The following ECT2 variants were observed in gnomAD, a reference collection of about 807,000 sequenced individuals.
ECT2 encodes the protein epithelial cell transforming 2.
Under a neutral mutation model 116.9 loss-of-function variants are expected in ECT2, and 61 were observed. That is an observed-to-expected ratio of 0.52 (90% CI 0.42 to 0.65). ECT2 has a LOEUF of 0.65. Among genes scored for constraint, ECT2 ranks in the 30% least tolerant of loss-of-function variants. The pLI is 0.00. For synonymous variants in ECT2, 358 were observed against 346.4 expected (o/e 1.03, Z -0.37); for missense variants, 937 against 1,078.7 (o/e 0.87, Z 1.84).
chr3:172,803,806 GT>G (rs773181352), intron 20 of ECT2, among the ~76,000 whole-genome samples: 1 of 144,440 alleles, frequency 6.9e-6, no homozygotes, highest in African/African-American at 2.5e-5. Flanking sequence ...GTTTCTTTTC[GT>G]TTTTCTTTTT....
chr3:172,770,386 T>TA (rs1490892524), intron 13 of ECT2, among the ~76,000 whole-genome samples: 1 of 152,208 alleles, frequency 6.6e-6, no homozygotes, highest in South Asian at 2.1e-4. Flanking sequence ...AAACTCCTTT[T>TA]AAAAAATCTC....
chr3:172,811,425 A>G (rs910663690), intron 22 of ECT2, among the ~76,000 whole-genome samples: 14 of 152,206 alleles, frequency 9.2e-5, no homozygotes, highest in African/African-American at 3.4e-4. Context: ...GTGAACTAGC[A>G]ATATGTTCAC....
intron 18 of ECT2, among the ~76,000 whole-genome samples, chr3:172,801,573 GGA>G (rs1726730075): frequency 6.6e-6 from 1 of 152,212 alleles, no homozygotes; most frequent in Admixed American, 6.5e-5. Flanking sequence ...TCTGAAAACA[GGA>G]GTTCTCTCTG....
At chr3:172,771,631 TA>T (rs1181807963) in intron 13 of ECT2, among the ~76,000 whole-genome samples, 7 of 152,326 alleles carry the variant, frequency 4.6e-5, no homozygotes, top group African/African-American at 1.7e-4. Flanking sequence ...ATAATTTTTT[TA>T]TGAGACGAGA....
rs565683433 is a variant in ECT2 at position 172,757,593 on chromosome 3, T to A, written c.486+428T>A. ...ACCATGCTCAGCTACTTTGTTGTATTTTTAGTAGAGATGGCGTTTCACCAT... is the reference window on the plus strand; with the variant it reads ...ACCATGCTCAGCTACTTTGTTGTATATTTAGTAGAGATGGCGTTTCACCAT... On this transcript the variant is annotated intron_variant, in intron 5 of 24. Coordinates refer to ENST00000392692, the MANE Select transcript of ECT2 (RefSeq NM_001258315.2). Among the ~76,000 whole-genome samples, 12 of 152,020 alleles carry A rather than the reference T, an allele frequency of 7.9e-5. No homozygotes were observed. In the South Asian group the frequency reaches 2.3e-3, roughly 29 times the overall value.
Position 172,758,985 on chromosome 3 carries a change from G to A in ECT2, c.492G>A (p.Leu164=). Residue 164 remains leucine, a synonymous_variant, in exon 6 of 25, where the codon TTG becomes TTA. Coordinates refer to ENST00000392692, the MANE Select transcript of ECT2 (RefSeq NM_001258315.2). The part of the protein sequence containing the change: ...VLNCSQKGEP[L]PFSCRPLYCT... ...AAAATTGTTGTATCCTTCAGCCTTT[G>A]CCATTTTCATGTCGCCCGTTGTATT... 1 of 1,608,330 alleles carries A rather than the reference G, an allele frequency of 6.2e-7. No homozygotes were observed. Among genetic ancestry groups the A allele is most frequent in the Non-Finnish European group, 8.5e-7 (1 of 1,178,154 alleles).
In ECT2 at chr3:172,807,761, G is replaced by T. The variant is rs1728045794; in HGVS notation, c.2246-9G>T. 1 of 1,607,806 alleles carries T rather than the reference G, an allele frequency of 6.2e-7. No homozygotes were observed. Among genetic ancestry groups the T allele is most frequent in the Admixed American group, 1.7e-5 (1 of 59,154 alleles). On this transcript the variant is annotated splice_polypyrimidine_tract_variant and intron_variant, in intron 21 of 24. Transcript: ENST00000392692. ...ACACTTAATGTTTATGGTTATTCTG[G>T]AACCCTAGATTGCCATAATGCTTTT...
rs1401420835 is a variant in ECT2 at position 172,811,344 on chromosome 3, A to G, written c.2400+3420A>G. ...CCTATCTACCTTCCTCTGTGCGGAG[A>G]GCACTAAAGGAAGTACTTCATATTT... On this transcript the variant is annotated intron_variant, in intron 22 of 24. Coordinates refer to ENST00000392692, the MANE Select transcript of ECT2 (RefSeq NM_001258315.2). Among the ~76,000 whole-genome samples, 4 of 152,276 alleles carry G rather than the reference A, an allele frequency of 2.6e-5. No individual in the cohort carries two copies. In the East Asian group the frequency reaches 7.7e-4, roughly 29 times the overall value.
the ECT2 span, chr3:172,829,248 T>G: frequency 2.5e-5 from 7 of 276,648 alleles, no homozygotes; most frequent in Middle Eastern, 2.5e-3. Context: ...AAAAAAGAAA[T>G]AAAATCTCTT....
Position 172,754,557 on chromosome 3 carries a change from C to T in ECT2, c.27C>T (p.Ser9=), listed in dbSNP as rs1716576243. Residue 9 remains serine, a synonymous_variant, in exon 2 of 25, where the codon TCC becomes TCT. Transcript: ENST00000392692. MAENSVLT[S]TTGRTSLADS... Reference sequence around the variant, plus strand: ...TGGCTGAAAATAGTGTATTAACATCCACTACTGGGAGGACTAGCTTGGCAG... The same window carrying T: ...TGGCTGAAAATAGTGTATTAACATCTACTACTGGGAGGACTAGCTTGGCAG... 2 of 1,606,106 alleles carry T rather than the reference C, an allele frequency of 1.2e-6. No individual in the cohort carries two copies. The highest frequency in any genetic ancestry group is 1.7e-6 in the Non-Finnish European group (2 of 1,177,218).
chr3:172,762,995 A>T (rs775334397), intron 11 of ECT2, 23 bp downstream of exon 11: 2 of 1,610,240 alleles, frequency 1.2e-6, no homozygotes, highest in South Asian at 2.2e-5. Flanking sequence ...CCCCTTACTT[A>T]TTTGTTCTGT....
chr3:172,784,300 A>G (rs536473662), intron 16 of ECT2, among the ~76,000 whole-genome samples: 1 of 152,236 alleles, frequency 6.6e-6, no homozygotes, highest in South Asian at 2.1e-4. Context: ...TTTTTTTTAA[A>G]GTTTTATGTA....
At chr3:172,803,482 A>G (rs1727097583) in intron 20 of ECT2, among the ~76,000 whole-genome samples, 1 of 152,200 alleles carries the variant, frequency 6.6e-6, no homozygotes, top group Non-Finnish European at 1.5e-5. Context: ...ATCTAATTCT[A>G]AAATTCTTAT....
Position 172,762,776 on chromosome 3 carries a change from T to A in ECT2, c.975T>A (p.Pro325=), listed in dbSNP as rs150790038. 3.2e-5 allele frequency: 51 copies of A among 1,612,624 alleles called. No homozygotes were observed. Among genetic ancestry groups the A allele is most frequent in the Non-Finnish European group, 3.6e-5 (43 of 1,179,544 alleles). Residue 325 remains proline (P), a synonymous_variant, in exon 10 of 25, where the codon CCT becomes CCA. Transcript: ENST00000392692. ...TAGTAAAAGATCTTCCCTTTGAACC[T>A]TCAAAGAAACTTTATGTTGTCAAGC... The part of the protein sequence containing the change: ...ENIVKDLPFE[P]SKKLYVVKQE...
At chr3:172,822,916 A>G (rs578056059), downstream of ECT2, among the ~76,000 whole-genome samples, 8 of 152,180 alleles carry the variant, frequency 5.3e-5, no homozygotes, top group African/African-American at 4.8e-5. Flanking sequence ...GGATATCTGG[A>G]GAGAAAAATT....
rs193090897 is a variant in ECT2 at position 172,794,453 on chromosome 3, T to G, written c.1907+7879T>G. On this transcript the variant is annotated intron_variant, in intron 18 of 24. Coordinates refer to ENST00000392692, the MANE Select transcript of ECT2 (RefSeq NM_001258315.2). Reference sequence around the variant, plus strand: ...TTTACTTTCAATTCTGCTTCATTGATCTGTATGTCTGTGCTTATGCCAGTA... The same window carrying G: ...TTTACTTTCAATTCTGCTTCATTGAGCTGTATGTCTGTGCTTATGCCAGTA... 4.9e-5 allele frequency among the ~76,000 whole-genome samples: 7 copies of G among 143,204 alleles called. No homozygotes were observed. In the East Asian group the frequency reaches 1.6e-3, roughly 34 times the overall value. 93.9% of individuals were successfully genotyped at this position (143,204 alleles called of 152,430 possible).
At chr3:172,778,588 C>CTTTTTTTTTTTT (rs5854485) in intron 14 of ECT2, among the ~76,000 whole-genome samples, 1 of 59,808 alleles carries the variant, frequency 1.7e-5, no homozygotes, top group Non-Finnish European at 3.1e-5. Flanking sequence ...TATTAGCTAT[C>CTTTTTTTTTTTT]TTTTTTTTTT....
At chr3:172,764,634 A>G (rs1457832275) in intron 12 of ECT2, 134 bp downstream of exon 12, 6 of 772,270 alleles carry the variant, frequency 7.8e-6, no homozygotes, top group Non-Finnish European at 2.1e-6. Flanking sequence ...TGTAGAGAAA[A>G]GACACATGAA....
At chr3:172,761,728 T>C in intron 8 of ECT2, 45 bp downstream of exon 8, 1 of 1,363,094 alleles carries the variant, frequency 7.3e-7, no homozygotes, top group East Asian at 2.3e-5. Flanking sequence ...AATTAAACAT[T>C]CTGGTTTAAA....
Sources: allele counts gnomAD v4.1 joint callset (sites outside exome capture counted in the v4.1 genomes callset), GRCh38; gene constraint gnomAD v4.1.1; transcripts MANE v1.5; gene names NCBI Gene and HGNC (gene_info 2026-07-23, HGNC 2026-07-21).